The following SCN9A variants were observed in gnomAD, a reference collection of about 807,000 sequenced individuals.
SCN9A encodes the protein sodium voltage-gated channel alpha subunit 9.
SCN9A carries 131 observed loss-of-function variants against 187.0 expected under a neutral mutation model. The ratio of observed to expected loss-of-function variants is 0.70; its 90% confidence interval spans 0.61 to 0.81. The LOEUF is 0.81. Among genes scored for constraint, SCN9A ranks in the 30% least tolerant of loss-of-function variants. SCN9A has a pLI of 0.00. For synonymous variants in SCN9A, 809 were observed against 808.6 expected, an observed-to-expected ratio of 1.00 and a Z score of -0.01; for missense variants, 2,252 against 2,396.6, an observed-to-expected ratio of 0.94 and a Z score of 1.26.
At chr2:166,301,358 C>T (rs1698550534) in intron 7 of SCN9A, 1 of 150,456 alleles carries the variant, frequency 6.6e-6, no homozygotes, top group South Asian at 2.1e-4. Context: ...AGACAATGTC[C>T]ACATAAGGCA....
intron 7 of SCN9A, among the ~76,000 whole-genome samples, chr2:166,299,336 C>T (rs940193736): frequency 6.6e-6 from 1 of 150,674 alleles, no homozygotes; most frequent in Non-Finnish European, 1.5e-5. Context: ...GCACCTTATT[C>T]TTACCTTGAA....
chr2:166,227,033 C>A (rs1694870100), intron 23 of SCN9A, among the ~76,000 whole-genome samples: 1 of 151,740 alleles, frequency 6.6e-6, no homozygotes, highest in South Asian at 2.1e-4. Context: ...ATGTTATTTC[C>A]AAAAGTACTG....
At chr2:166,212,355 A>C (rs1466207114) in intron 24 of SCN9A, among the ~76,000 whole-genome samples, 1 of 152,246 alleles carries the variant, frequency 6.6e-6, no homozygotes, top group Non-Finnish European at 1.5e-5. Context: ...ATATCAGCCA[A>C]AATAGATTTT....
Position 166,308,814 on chromosome 2 carries a change from T to A in SCN9A, c.259-1740A>T, listed in dbSNP as rs182203285. Among the ~76,000 whole-genome samples, 180 of 149,938 alleles carry A rather than the reference T, an allele frequency of 1.2e-3. 5 individuals carry two copies. Among genetic ancestry groups the A allele is most frequent in the Admixed American group, 0.01 (153 of 14,866 alleles). ...GGTGGCGGGTACCTGTAGTCCCAGC[T>A]ACCCTGGAGGCTGAGGTGGGAGAAT... On this transcript the variant is annotated intron_variant, in intron 2 of 26. Coordinates refer to ENST00000642356, the MANE Select transcript of SCN9A (RefSeq NM_001365536.1).
chr2:166,213,481 A>AATAATAATC (rs1694183842), intron 24 of SCN9A, among the ~76,000 whole-genome samples: 1 of 147,662 alleles, frequency 6.8e-6, no homozygotes, highest in Non-Finnish European at 1.5e-5. Flanking sequence ...TAATAATAAT[A>AATAATAATC]ATAATAATAA....
chr2:166,213,304 G>C (rs1186427468), intron 24 of SCN9A, among the ~76,000 whole-genome samples: 1 of 151,326 alleles, frequency 6.6e-6, no homozygotes, highest in Non-Finnish European at 1.5e-5. Context: ...ATTTACAACT[G>C]ATTTTATGGG....
chr2:166,360,032 A>G (rs942037050), intron 1 of SCN9A, among the ~76,000 whole-genome samples: 4 of 151,150 alleles, frequency 2.6e-5, no homozygotes, highest in South Asian at 2.1e-4. Context: ...GACCAGCCTG[A>G]CCAACATGGA....
intron 1 of SCN9A, among the ~76,000 whole-genome samples, chr2:166,356,213 T>G (rs186125436): frequency 2.0e-5 from 3 of 152,342 alleles, no homozygotes; most frequent in Non-Finnish European, 4.4e-5. Flanking sequence ...TCAGAGCTAC[T>G]GTACAACATT....
In SCN9A at chr2:166,306,596, T is replaced by A. The variant is rs1574906679; in HGVS notation, c.381A>T (p.Leu127Phe). 3 of 1,564,994 alleles carry A rather than the reference T, an allele frequency of 1.9e-6. No individual in the cohort carries two copies. The highest frequency in any genetic ancestry group is 2.3e-5 in the East Asian group (1 of 43,522). The change falls in exon 4 of 27, where the codon TTA becomes TTT. Residue 127 changes from leucine (L) to phenylalanine (F), a missense_variant. Coordinates refer to ENST00000642356, the MANE Select transcript of SCN9A (RefSeq NM_001365536.1). ...TAGTGCACATGATGAGCATGCTGAA[T>A]AAGGTAGCTTAGAATCAAGGAACAA... ...RISIKILVHS[L>F]FSMLIMCTIL...
chr2:166,247,757 A>C (rs1695859401), intron 18 of SCN9A, among the ~76,000 whole-genome samples: 1 of 152,092 alleles, frequency 6.6e-6, no homozygotes, highest in South Asian at 2.1e-4. Context: ...CCTTGTGAAA[A>C]AGGTTATTTT....
At chr2:166,275,366 C>T (rs1052535926) in intron 16 of SCN9A, among the ~76,000 whole-genome samples, 4 of 151,966 alleles carry the variant, frequency 2.6e-5, no homozygotes, top group Non-Finnish European at 4.4e-5. Context: ...GGCTGGATCA[C>T]CTGAGGTCAG....
chr2:166,363,815 C>T (rs1049992113), intron 1 of SCN9A, among the ~76,000 whole-genome samples: 1 of 151,746 alleles, frequency 6.6e-6, no homozygotes, highest in East Asian at 1.9e-4. Flanking sequence ...ACCAAAAGCA[C>T]GGTCAACAAA....
intron 16 of SCN9A, among the ~76,000 whole-genome samples, chr2:166,275,451 G>A (rs1481954381): frequency 6.6e-6 from 1 of 151,926 alleles, no homozygotes; most frequent in East Asian, 1.9e-4. Context: ...TGGCACGGTA[G>A]CATGCACCTG....
chr2:166,238,321 A>C, intron 19 of SCN9A, 54 bp from the exon 20 acceptor site: 1 of 1,195,704 alleles, frequency 8.4e-7, no homozygotes. Flanking sequence ...TTCATGATTC[A>C]TTTAAAAAAA....
intron 17 of SCN9A, among the ~76,000 whole-genome samples, chr2:166,260,759 A>G (rs1192744490): frequency 6.6e-6 from 1 of 151,818 alleles, no homozygotes; most frequent in Non-Finnish European, 1.5e-5. Context: ...GAAAATTTTA[A>G]TGTGTTCTCT....
chr2:166,289,741 C>A (rs577378380), intron 9 of SCN9A, among the ~76,000 whole-genome samples: 1 of 152,110 alleles, frequency 6.6e-6, no homozygotes, highest in South Asian at 2.1e-4. Context: ...ACTGGTTGAA[C>A]TAATTTACAC....
intron 1 of SCN9A, among the ~76,000 whole-genome samples, chr2:166,331,117 C>G (rs995048368): frequency 1.1e-4 from 17 of 152,234 alleles, no homozygotes; most frequent in African/African-American, 4.1e-4. Flanking sequence ...AAATAATTAA[C>G]CAATACCATA....
chr2:166,370,317 G>T (rs1700526121), intron 1 of SCN9A, among the ~76,000 whole-genome samples: 1 of 150,892 alleles, frequency 6.6e-6, no homozygotes, highest in East Asian at 1.9e-4. Context: ...GTCGAGGCGG[G>T]CGGATCACTA....
intron 1 of SCN9A, among the ~76,000 whole-genome samples, chr2:166,369,001 A>G (rs1426122802): frequency 6.6e-6 from 1 of 152,036 alleles, no homozygotes; most frequent in African/African-American, 2.4e-5. Context: ...AAAAAAAAAA[A>G]GAATGCATTT....
Sources: gnomAD v4.1 joint callset for allele counts (sites outside exome capture counted in the v4.1 genomes callset) on GRCh38, gnomAD v4.1.1 for gene constraint, MANE v1.5 for transcripts, NCBI Gene and HGNC (gene_info 2026-07-23, HGNC 2026-07-21) for gene names.